The following CNTN4 variants were observed in gnomAD, a reference collection of about 807,000 sequenced individuals.
CNTN4 encodes the protein contactin-4.
A neutral mutation model predicts 122.5 loss-of-function variants in CNTN4; 77 were observed. The ratio of observed to expected loss-of-function variants is 0.63; its 90% CI spans 0.52 to 0.76. The LOEUF (loss-of-function observed/expected upper bound fraction) is 0.76. CNTN4 is among the 30% of genes least tolerant of loss of function. CNTN4 has a pLI of 0.00. For missense variants in CNTN4, 1,256 were observed against 1,259.1 expected (o/e 1.00, Z 0.04); for synonymous variants, 512 against 447.0 (o/e 1.15, Z -1.83).
intron 3 of CNTN4, among the ~76,000 whole-genome samples, chr3:2,411,387 G>A (rs1305604759): frequency 6.6e-6 from 1 of 152,150 alleles, no homozygotes; most frequent in East Asian, 1.9e-4. Flanking sequence ...TATTTCTTCA[G>A]AAATATTGAG....
intron 16 of CNTN4, among the ~76,000 whole-genome samples, chr3:3,033,838 A>G (rs4685595): frequency 0.62 from 93,782 of 152,064 alleles, 29,301 homozygotes; most frequent in Middle Eastern, 0.71. Context: ...TCAAGCCTTC[A>G]TTTAAATCTG....
intron 10 of CNTN4, among the ~76,000 whole-genome samples, chr3:2,899,971 A>T (rs2094155535): frequency 6.6e-6 from 1 of 152,242 alleles, no homozygotes; most frequent in South Asian, 2.1e-4. Flanking sequence ...ATTCTCACAA[A>T]GGAGGCCCCA....
At chr3:2,915,026 C>A (rs185193743) in intron 12 of CNTN4, among the ~76,000 whole-genome samples, 13 of 152,248 alleles carry the variant, frequency 8.5e-5, no homozygotes, top group African/African-American at 3.1e-4. Context: ...ACCACGTGAT[C>A]GTTCCAATTG....
intron 6 of CNTN4, among the ~76,000 whole-genome samples, chr3:2,751,809 C>T (rs1169605061): frequency 1.3e-5 from 2 of 151,982 alleles, no homozygotes; most frequent in African/African-American, 2.4e-5. Context: ...AATTTCAGTA[C>T]ACACCCCTAC....
At position 2,137,115 on chromosome 3, in the gene CNTN4, T is replaced by C. The variant is rs180841947; in HGVS notation, c.-145+36476T>C. Among the ~76,000 whole-genome samples the C allele has an allele frequency of 3.5e-3, 538 of 151,776 alleles. 4 individuals are homozygous for C. The highest frequency in any genetic ancestry group is 0.013 in the African/African-American group (520 of 41,420). ...CACTTTAGTTCAGATATAACCTAAA[T>C]AAATTCTCTAGCCAGGGCACCCATC... On this transcript the variant is annotated intron_variant, in intron 2 of 24. Coordinates refer to ENST00000418658, the MANE Select transcript of CNTN4 (RefSeq NM_175607.3).
intron 6 of CNTN4, among the ~76,000 whole-genome samples, chr3:2,755,317 G>A (rs950177294): frequency 3.9e-5 from 6 of 152,148 alleles, no homozygotes; most frequent in Non-Finnish European, 8.8e-5. Flanking sequence ...GTGGATGGAT[G>A]ACTATTTAGA....
At chr3:2,885,420 A>G (rs1259801589) in intron 9 of CNTN4, among the ~76,000 whole-genome samples, 2 of 152,160 alleles carry the variant, frequency 1.3e-5, no homozygotes, top group Non-Finnish European at 2.9e-5. Flanking sequence ...CATCTTGCAA[A>G]TGGACTGCTG....
intron 4 of CNTN4, among the ~76,000 whole-genome samples, chr3:2,649,840 A>G (rs2083284673): frequency 6.6e-6 from 1 of 151,890 alleles, no homozygotes; most frequent in African/African-American, 2.4e-5. Flanking sequence ...CCATTAAGAA[A>G]ATTTGTGGCT....
intron 7 of CNTN4, among the ~76,000 whole-genome samples, chr3:2,825,963 T>G (rs2092978392): frequency 6.6e-6 from 1 of 152,176 alleles, no homozygotes; most frequent in African/African-American, 2.4e-5. Context: ...CGAACATCTG[T>G]AGAGTCCTTT....
intron 4 of CNTN4, among the ~76,000 whole-genome samples, chr3:2,729,946 T>C (rs150067396): frequency 1.2e-3 from 190 of 152,176 alleles, no homozygotes; most frequent in Non-Finnish European, 2.3e-3. Flanking sequence ...TTAGAATGCA[T>C]AAAGATCAAG....
intron 3 of CNTN4, among the ~76,000 whole-genome samples, chr3:2,452,358 G>T (rs17014540): frequency 6.6e-6 from 1 of 151,986 alleles, no homozygotes; most frequent in East Asian, 1.9e-4. Flanking sequence ...TGCATCATGC[G>T]AATTCACCGA....
chr3:2,210,085 G>A (rs535704036), intron 2 of CNTN4, among the ~76,000 whole-genome samples: 1 of 152,076 alleles, frequency 6.6e-6, no homozygotes, highest in Non-Finnish European at 1.5e-5. Flanking sequence ...TGTAAGATAT[G>A]TATGTCCCTG....
At chr3:2,593,624 A>G (rs1449205177) in intron 4 of CNTN4, among the ~76,000 whole-genome samples, 1 of 152,238 alleles carries the variant, frequency 6.6e-6, no homozygotes, top group Non-Finnish European at 1.5e-5. Context: ...GGATGGGCAG[A>G]TGAAGATCTT....
At chr3:2,637,956 G>T (rs896308316) in intron 4 of CNTN4, among the ~76,000 whole-genome samples, 1 of 152,126 alleles carries the variant, frequency 6.6e-6, no homozygotes, top group African/African-American at 2.4e-5. Context: ...AATCTATTTT[G>T]CTTTTAAACT....
Position 2,709,180 on chromosome 3 carries a change from C to G in CNTN4, c.56-27035C>G, listed in dbSNP as rs2086947128. On this transcript the variant is annotated intron_variant, in intron 4 of 24. Transcript: ENST00000418658. This position sits in a 1 kb window ranked among gnomAD's most constrained non-coding sequence, Gnocchi z 5.0. Reference sequence around the variant, plus strand: ...CCAGCAAAAATGCATATTGCATTTACAACAGACAAAACCAAATTTTATTGG... The same window carrying G: ...CCAGCAAAAATGCATATTGCATTTAGAACAGACAAAACCAAATTTTATTGG... Among the ~76,000 whole-genome samples, 1 of 152,144 alleles carries G rather than the reference C, an allele frequency of 6.6e-6. No homozygotes were observed.
chr3:2,978,202 C>T (rs1000550204), intron 13 of CNTN4, among the ~76,000 whole-genome samples: 1 of 152,184 alleles, frequency 6.6e-6, no homozygotes, highest in Non-Finnish European at 1.5e-5. Context: ...CCACACCACA[C>T]CCATCGTCCC....
intron 2 of CNTN4, among the ~76,000 whole-genome samples, chr3:2,260,259 T>C (rs1452648429): frequency 6.6e-6 from 1 of 152,056 alleles, no homozygotes; most frequent in African/African-American, 2.4e-5. Context: ...GTCCTGCGCA[T>C]TATAGGAAGT....
chr3:3,023,644 C>G (rs1698477563), intron 14 of CNTN4, among the ~76,000 whole-genome samples: 1 of 152,144 alleles, frequency 6.6e-6, no homozygotes, highest in Non-Finnish European at 1.5e-5. Context: ...ACTCATAAGT[C>G]TGATGTGTAG....
intron 7 of CNTN4, among the ~76,000 whole-genome samples, chr3:2,850,714 A>G (rs942263800): frequency 1.3e-5 from 2 of 152,236 alleles, no homozygotes; most frequent in South Asian, 2.1e-4. Flanking sequence ...TGTTAGTCAG[A>G]TGGGAGAGAA....
Sources: gnomAD v4.1 joint callset for allele counts (sites outside exome capture counted in the v4.1 genomes callset) on GRCh38, gnomAD v4.1.1 for gene constraint, Gnocchi (gnomAD v3.1) non-coding constraint, MANE v1.5 for transcripts, NCBI Gene and HGNC (gene_info 2026-07-23, HGNC 2026-07-21) for gene names.